Variants in RXRA observed in about 807,000 individuals in gnomAD.
The protein encoded by RXRA is retinoid X receptor alpha.
Under a neutral mutation model 44.5 loss-of-function variants are expected in RXRA, and 5 were observed. The ratio of observed to expected loss-of-function variants is 0.11; its 90% confidence interval spans 0.06 to 0.24. The LOEUF is 0.24. RXRA is among the 10% of genes least tolerant of loss of function. RXRA has a pLI of 1.00. For missense variants in RXRA, 412 were observed against 646.5 expected, an observed-to-expected ratio of 0.64 and a Z score of 3.93; for synonymous variants, 291 against 271.4, an observed-to-expected ratio of 1.07 and a Z score of -0.71.
At chr9:134,372,339 G>A (rs1325789274) in intron 1 of RXRA, among the ~76,000 whole-genome samples, 1 of 152,174 alleles carries the variant, frequency 6.6e-6, no homozygotes, top group Non-Finnish European at 1.5e-5. Context: ...TGCTGGCTTT[G>A]CTGTTGGGGC....
At chr9:134,397,387 C>T (rs1830895896) in intron 1 of RXRA, among the ~76,000 whole-genome samples, 1 of 152,202 alleles carries the variant, frequency 6.6e-6, no homozygotes, top group South Asian at 2.1e-4. Flanking sequence ...CAGGGAGCTG[C>T]TCTGTGCCTG....
chr9:134,381,366 G>T (rs1175839628), intron 1 of RXRA, among the ~76,000 whole-genome samples: 2 of 152,162 alleles, frequency 1.3e-5, no homozygotes, highest in Admixed American at 1.3e-4. Context: ...CGCTGGGGCA[G>T]AGTGCTGAGA....
intron 1 of RXRA, 48 bp from the exon 2 acceptor site, chr9:134,401,584 C>G: frequency 6.2e-7 from 1 of 1,609,566 alleles, no homozygotes; most frequent in Non-Finnish European, 8.5e-7. Context: ...TTGGTGGGGC[C>G]TGGAGTCACC....
At chr9:134,392,407 C>T (rs184741186) in intron 1 of RXRA, among the ~76,000 whole-genome samples, 118 of 152,288 alleles carry the variant, frequency 7.7e-4, no homozygotes, top group Non-Finnish European at 1.2e-3. Context: ...CAGGACTCTC[C>T]GGGGCCCCTT....
intron 4 of RXRA, among the ~76,000 whole-genome samples, chr9:134,412,574 G>T (rs888667778): frequency 1.3e-5 from 2 of 152,220 alleles, no homozygotes; most frequent in Non-Finnish European, 2.9e-5. Flanking sequence ...GCCTGCACGC[G>T]CAGGCAGCCA....
At chr9:134,327,827 C>G (rs1834941853) in intron 1 of RXRA, among the ~76,000 whole-genome samples, 1 of 152,116 alleles carries the variant, frequency 6.6e-6, no homozygotes, top group Admixed American at 6.5e-5. Flanking sequence ...TGTGCTGCCC[C>G]GTGACCGGGG....
At chr9:134,420,877 G>A (rs1237924608) in intron 5 of RXRA, among the ~76,000 whole-genome samples, 2 of 152,174 alleles carry the variant, frequency 1.3e-5, no homozygotes, top group Non-Finnish European at 2.9e-5. Context: ...GCCCCCTTCC[G>A]GCTAGGACTT....
At chr9:134,400,524 G>A (rs1433665084) in intron 1 of RXRA, among the ~76,000 whole-genome samples, 3 of 152,228 alleles carry the variant, frequency 2.0e-5, no homozygotes, top group African/African-American at 4.8e-5. Flanking sequence ...TCGGAGATAG[G>A]GTGGGGGCAG....
chr9:134,339,716 T>C (rs1554747864), intron 1 of RXRA, among the ~76,000 whole-genome samples: 1 of 149,628 alleles, frequency 6.7e-6, no homozygotes, highest in African/African-American at 2.5e-5. Flanking sequence ...TGTGTGTGTT[T>C]GAGCCTGTGT....
intron 1 of RXRA, among the ~76,000 whole-genome samples, chr9:134,328,150 A>C (rs1426530838): frequency 2.0e-5 from 3 of 152,074 alleles, no homozygotes; most frequent in Non-Finnish European, 4.4e-5. Flanking sequence ...CTTTGCACTC[A>C]CACATGTGCA....
At chr9:134,357,172 G>A (rs1830293557) in intron 1 of RXRA, among the ~76,000 whole-genome samples, 1 of 152,214 alleles carries the variant, frequency 6.6e-6, no homozygotes, top group African/African-American at 2.4e-5. Flanking sequence ...AAATTCGATG[G>A]AGCAGATAGT....
At position 134,407,313 on chromosome 9, in the gene RXRA, C is replaced by T. The variant is rs918816607; in HGVS notation, c.280-836C>T. Among the ~76,000 whole-genome samples, 1 of 152,226 alleles carries T rather than the reference C, an allele frequency of 6.6e-6. No homozygotes were observed. The highest frequency in any genetic ancestry group is 1.5e-5 in the Non-Finnish European group (1 of 68,040). The stretch of plus-strand genomic sequence containing the variant: ...GCGCACAAGCGGCGGCAGGGGTTTG[C>T]AGAAGTGGAGGCTGGGGGCTGCCTG... On this transcript the variant is annotated intron_variant, in intron 2 of 9. Coordinates refer to ENST00000481739, the MANE Select transcript of RXRA (RefSeq NM_002957.6). This position sits in a 1 kb window ranked among gnomAD's most constrained non-coding sequence, Gnocchi z 4.8.
chr9:134,359,617 C>T (rs1432175253), intron 1 of RXRA, among the ~76,000 whole-genome samples: 2 of 152,188 alleles, frequency 1.3e-5, no homozygotes, highest in African/African-American at 4.8e-5. Flanking sequence ...TGTGACCTAC[C>T]CCCTGCGGAT....
At position 134,422,337 on chromosome 9, in the gene RXRA, C is replaced by CT. The variant is rs1554756134; in HGVS notation, c.910+533dup. The stretch of plus-strand genomic sequence containing the variant: ...CGGGACACTCCCCACTCCTGGGACA[C>CT]TACCCCCTCCCGGGACACACTCCCC... On this transcript the variant is annotated intron_variant, in intron 6 of 9. Transcript: ENST00000481739. The CT allele has an allele frequency of 2.8e-5, 36 of 1,284,496 alleles. No individual in the cohort carries two copies. The South Asian group carries it at 3.9e-4, about 14-fold the overall frequency. 79.6% of individuals were successfully genotyped at this position (1,284,496 alleles called of 1,614,324 possible).
chr9:134,388,423 T>G (rs778329463), intron 1 of RXRA, among the ~76,000 whole-genome samples: 1 of 152,206 alleles, frequency 6.6e-6, no homozygotes, highest in Non-Finnish European at 1.5e-5. Context: ...CTTGGGATGT[T>G]GTTCTGCTCT....
Position 134,401,842 on chromosome 9 carries a change from C to G in RXRA, c.239C>G (p.Pro80Arg). The change falls in exon 2 of 10, where the codon CCC becomes CGC. Residue 80 changes from proline (P) to arginine (R), a missense_variant. This residue lies in a region of RXRA where 156 missense variants were observed against 177.2 expected (regional missense o/e 0.88). Transcript: ENST00000481739. ...ATGGGCCCCCACTCCATGTCGGTGCCCACCACACCCACCCTGGGCTTCAGC... is the reference window on the plus strand; with the variant it reads ...ATGGGCCCCCACTCCATGTCGGTGCGCACCACACCCACCCTGGGCTTCAGC... Reference protein sequence around the residue: ...SPMGPHSMSVPTTPTLGFSTG... With the variant: ...SPMGPHSMSVRTTPTLGFSTG... 6.2e-7 allele frequency: 1 copy of G among 1,612,150 alleles called. No homozygotes were observed. Among genetic ancestry groups the G allele is most frequent in the African/African-American group, 1.3e-5 (1 of 75,008 alleles).
intron 1 of RXRA, among the ~76,000 whole-genome samples, chr9:134,346,013 A>C (rs1830146647): frequency 6.6e-6 from 1 of 151,898 alleles, no homozygotes; most frequent in African/African-American, 2.4e-5. Context: ...TCATATAGGG[A>C]CAGTTGAGAG....
intron 4 of RXRA, among the ~76,000 whole-genome samples, chr9:134,415,640 T>G (rs1430034696): frequency 6.6e-6 from 1 of 151,864 alleles, no homozygotes; most frequent in Non-Finnish European, 1.5e-5. Context: ...CCTTGGGCCC[T>G]TAGGAGGGCA....
chr9:134,327,076 C>T (rs1424171555), intron 1 of RXRA, among the ~76,000 whole-genome samples: 1 of 152,038 alleles, frequency 6.6e-6, no homozygotes, highest in South Asian at 2.1e-4. Context: ...GGGCCCCGAG[C>T]GGCCTCTGCG....
Sources: allele counts gnomAD v4.1 joint callset (sites outside exome capture counted in the v4.1 genomes callset), GRCh38; gene constraint gnomAD v4.1.1; regional missense constraint gnomAD v4.1.1; non-coding constraint Gnocchi (gnomAD v3.1); transcripts MANE v1.5; gene names NCBI Gene and HGNC (gene_info 2026-07-23, HGNC 2026-07-21).